Variants in FHIT observed in about 807,000 individuals in gnomAD.
FHIT encodes bis(5'-adenosyl)-triphosphatase.
Under a neutral mutation model 17.9 loss-of-function variants are expected in FHIT, and 19 were observed. That is an observed-to-expected ratio of 1.06 (90% CI 0.74 to 1.56). The LOEUF is 1.56. Among genes scored for constraint, FHIT ranks in the 40% most tolerant of loss-of-function variants. The probability of loss-of-function intolerance (pLI) is 0.00; values close to 1 mark genes in which losing one functional copy is unlikely to be tolerated. For missense variants in FHIT, 248 were observed against 189.2 expected (o/e 1.31, Z -1.82); for synonymous variants, 81 against 69.7 (o/e 1.16, Z -0.81).
intron 8 of FHIT, among the ~76,000 whole-genome samples, chr3:59,912,575 A>C (rs868526091): frequency 6.6e-6 from 1 of 152,214 alleles, no homozygotes; most frequent in East Asian, 1.9e-4. Context: ...ATATCAACTG[A>C]TAGGGCCAAG....
At chr3:61,097,637 AG>A (rs1487997762) in intron 2 of FHIT, among the ~76,000 whole-genome samples, 1 of 152,074 alleles carries the variant, frequency 6.6e-6, no homozygotes, top group African/African-American at 2.4e-5. Context: ...TTTTAATAAT[AG>A]CCATTTTGAC....
At chr3:59,798,261 C>T (rs1699857984) in intron 8 of FHIT, among the ~76,000 whole-genome samples, 1 of 152,196 alleles carries the variant, frequency 6.6e-6, no homozygotes, top group African/African-American at 2.4e-5. Context: ...TTTATCACCT[C>T]TCCTTCCTCA....
intron 5 of FHIT, among the ~76,000 whole-genome samples, chr3:60,254,121 C>T (rs1275799123): frequency 6.6e-6 from 1 of 152,032 alleles, no homozygotes; most frequent in African/African-American, 2.4e-5. Context: ...TCATCATTTT[C>T]CCAATTGCTT....
At chr3:59,789,637 G>A (rs975879877) in intron 8 of FHIT, among the ~76,000 whole-genome samples, 1 of 152,188 alleles carries the variant, frequency 6.6e-6, no homozygotes, top group Admixed American at 6.5e-5. Context: ...TGGCTAGCCT[G>A]TGACATTGAG....
chr3:60,508,689 C>T (rs539413128), intron 5 of FHIT, among the ~76,000 whole-genome samples: 1 of 152,014 alleles, frequency 6.6e-6, no homozygotes, highest in Non-Finnish European at 1.5e-5. Context: ...AATTCTATTC[C>T]TTCTATTTAT....
rs139132965 is a variant in FHIT, at chr3:60,478,722, G to A, written c.103+58138C>T. Reference sequence around the variant, plus strand: ...TATTGCATGCTGCTTCACTTACCTTGTAAAACATTTTAGACATAAAAGGTG... The same window carrying A: ...TATTGCATGCTGCTTCACTTACCTTATAAAACATTTTAGACATAAAAGGTG... On this transcript the variant is annotated intron_variant, in intron 5 of 9. Coordinates refer to ENST00000492590, the MANE Select transcript of FHIT (RefSeq NM_002012.4). Among the ~76,000 whole-genome samples the A allele has an allele frequency of 3.7e-3, 560 of 152,238 alleles. 3 individuals are homozygous for A. The highest frequency in any genetic ancestry group is 0.013 in the African/African-American group (527 of 41,554).
At chr3:61,049,233 CCA>C (rs1390993887) in intron 2 of FHIT, among the ~76,000 whole-genome samples, 146 of 149,744 alleles carry the variant, frequency 9.7e-4, no homozygotes, top group Admixed American at 1.3e-3. Flanking sequence ...TAGTTGGTAA[CCA>C]ATGTTACCAA....
intron 8 of FHIT, among the ~76,000 whole-genome samples, chr3:59,883,305 G>A (rs1703483940): frequency 1.3e-5 from 2 of 152,128 alleles, no homozygotes; most frequent in South Asian, 4.2e-4. Flanking sequence ...TCATGCTGCT[G>A]ATAAAGACAC....
At chr3:60,210,495 T>C (rs1357558972) in intron 5 of FHIT, among the ~76,000 whole-genome samples, 1 of 150,752 alleles carries the variant, frequency 6.6e-6, no homozygotes, top group African/African-American at 2.4e-5. Flanking sequence ...GAGAACACAT[T>C]GGTAAGCTTC....
chr3:60,426,488 C>A (rs1702670912), intron 5 of FHIT, among the ~76,000 whole-genome samples: 1 of 151,974 alleles, frequency 6.6e-6, no homozygotes, highest in Non-Finnish European at 1.5e-5. Flanking sequence ...ACTTTGTAAA[C>A]TCCCTGTAAA....
At chr3:60,097,484 C>T (rs1385984161) in intron 5 of FHIT, among the ~76,000 whole-genome samples, 7 of 152,128 alleles carry the variant, frequency 4.6e-5, no homozygotes, top group Non-Finnish European at 1.0e-4. Flanking sequence ...TGAGTTTGAA[C>T]TGTGTGAGCC....
intron 4 of FHIT, among the ~76,000 whole-genome samples, chr3:60,714,274 G>C (rs1444812080): frequency 6.6e-6 from 1 of 152,122 alleles, no homozygotes; most frequent in East Asian, 1.9e-4. Context: ...GGTATTGATG[G>C]GACATATCTC....
chr3:60,228,201 C>A (rs1416646547), intron 5 of FHIT, among the ~76,000 whole-genome samples: 1 of 152,122 alleles, frequency 6.6e-6, no homozygotes, highest in Non-Finnish European at 1.5e-5. Flanking sequence ...AGGCATGAAA[C>A]CACTGGCTCT....
At chr3:60,693,235 C>T (rs1271650893) in intron 4 of FHIT, among the ~76,000 whole-genome samples, 1 of 152,132 alleles carries the variant, frequency 6.6e-6, no homozygotes, top group African/African-American at 2.4e-5. Context: ...CTAAGTCACT[C>T]CCTCATAAGT....
intron 5 of FHIT, among the ~76,000 whole-genome samples, chr3:60,356,281 A>C (rs1699648980): frequency 6.6e-6 from 1 of 152,200 alleles, no homozygotes; most frequent in Non-Finnish European, 1.5e-5. Context: ...CACATCCTCC[A>C]TTGTAGAACA....
chr3:59,938,155 G>A lies in FHIT; in HGVS notation c.280-15741C>T, dbSNP rs142180445. 1.1e-3 allele frequency among the ~76,000 whole-genome samples: 164 copies of A among 152,152 alleles called. 1 individual carries two copies. The highest frequency in any genetic ancestry group is 3.8e-3 in the African/African-American group (157 of 41,504). ...GTGAAGATATACAAACAATGTAAAT[G>A]TCCATCAAAGGACAAACAGATTAAA... On this transcript the variant is annotated intron_variant, in intron 7 of 9. Transcript: ENST00000492590.
chr3:60,077,737 GA>G (rs1216583832), intron 5 of FHIT, among the ~76,000 whole-genome samples: 5,835 of 72,596 alleles, frequency 0.08, 167 homozygotes, highest in Non-Finnish European at 0.1. Flanking sequence ...CACATATATA[GA>G]GGGGGGGGGG....
intron 5 of FHIT, among the ~76,000 whole-genome samples, chr3:60,065,925 G>A (rs1032879862): frequency 6.6e-6 from 1 of 152,110 alleles, no homozygotes; most frequent in Non-Finnish European, 1.5e-5. Flanking sequence ...CATGGTTCCA[G>A]GAAATAGGGT....
intron 5 of FHIT, among the ~76,000 whole-genome samples, chr3:60,501,256 A>G (rs1449083741): frequency 6.6e-6 from 1 of 152,168 alleles, no homozygotes; most frequent in African/African-American, 2.4e-5. Context: ...ATATACGTTT[A>G]ATGTTTTTTG....
Sources: allele counts gnomAD v4.1 joint callset (sites outside exome capture counted in the v4.1 genomes callset), GRCh38; gene constraint gnomAD v4.1.1; transcripts MANE v1.5; gene names NCBI Gene and HGNC (gene_info 2026-07-23, HGNC 2026-07-21).